The following TRDMT1 variants were observed in gnomAD, a reference collection of about 807,000 sequenced individuals.
The protein encoded by TRDMT1 is tRNA (cytosine(38)-C(5))-methyltransferase.
A neutral mutation model predicts 51.2 loss-of-function variants in TRDMT1; 49 were observed. That is an observed-to-expected ratio of 0.96 (90% confidence interval 0.76 to 1.21). The LOEUF (loss-of-function observed/expected upper bound fraction) is 1.21, where lower values mean the gene tolerates loss of function less well. Ranked by LOEUF, TRDMT1 falls within the 50% of genes most tolerant of loss-of-function variation. The pLI, the probability that TRDMT1 is intolerant of heterozygous loss-of-function variation, is 0.00. For synonymous variants in TRDMT1, 187 were observed against 164.6 expected, an observed-to-expected ratio of 1.14 and a Z score of -1.04; for missense variants, 534 against 462.3, an observed-to-expected ratio of 1.16 and a Z score of -1.42.
At chr10:17,192,496 T>A (rs1844824315) in intron 1 of TRDMT1, among the ~76,000 whole-genome samples, 1 of 152,204 alleles carries the variant, frequency 6.6e-6, no homozygotes, top group Non-Finnish European at 1.5e-5. Flanking sequence ...AGCATCTCCC[T>A]CAGCTCCATC....
chr10:17,159,855 A>T (rs1840063459), intron 6 of TRDMT1, among the ~76,000 whole-genome samples: 1 of 152,208 alleles, frequency 6.6e-6, no homozygotes, highest in Non-Finnish European at 1.5e-5. Context: ...ATGATCAATT[A>T]CTTAAATTTC....
In TRDMT1 at chr10:17,148,949, T is replaced by C. The variant is rs1042731786; in HGVS notation, c.*91A>G. On this transcript the variant is annotated 3_prime_UTR_variant, in exon 11 of 11. Transcript: ENST00000377799. ...GACAGATTAAAATAATTTAGTTAAA[T>C]TTCACCAGAATTAGTTCAAAACAGA... 5.5e-5 allele frequency: 77 copies of C among 1,406,876 alleles called. No individual in the cohort carries two copies. The highest frequency in any genetic ancestry group is 7.0e-5 in the Non-Finnish European group (75 of 1,074,014). The allele number at this position is 1,406,876 out of a possible 1,614,324, so 87.1% of individuals were successfully genotyped here.
chr10:17,149,224 C>A, intron 10 of TRDMT1, 84 bp from the exon 11 acceptor site: 1 of 1,049,926 alleles, frequency 9.5e-7, no homozygotes. Context: ...AGTAAGGGCA[C>A]AGCGGTCATT....
At chr10:17,157,358 G>C (rs1839666220) in intron 8 of TRDMT1, 83 bp downstream of exon 8, 36 of 1,301,892 alleles carry the variant, frequency 2.8e-5, no homozygotes, top group Non-Finnish European at 3.8e-5. Context: ...AATGCTCCTT[G>C]TTTTTAGAAG....
chr10:17,177,482 G>A (rs1842756727), intron 1 of TRDMT1, among the ~76,000 whole-genome samples: 1 of 152,098 alleles, frequency 6.6e-6, no homozygotes. Context: ...GATTACAGGT[G>A]TGGGCCACCA....
In TRDMT1 at chr10:17,149,075, C is replaced by T. The variant is rs771655082; in HGVS notation, c.1141G>A (p.Val381Ile). The change falls in exon 11 of 11, where the codon GTA (valine) becomes ATA (isoleucine). Residue 381 changes from valine to isoleucine, a missense_variant. Val to Ile is a conservative substitution (Grantham distance 29). Coordinates refer to ENST00000377799, the MANE Select transcript of TRDMT1 (RefSeq NM_004412.7). ...RLLGNSLNVH[V>I]VAKLIKILYE Reference sequence around the variant, plus strand: ...AAGATTTTGATTAGTTTAGCTACTACATGCACGTTGAGACTATTTCCAAGT... The same window carrying T: ...AAGATTTTGATTAGTTTAGCTACTATATGCACGTTGAGACTATTTCCAAGT... 3.0e-5 allele frequency: 49 copies of T among 1,610,992 alleles called. No homozygotes were observed. The East Asian group carries it at 1.1e-3, about 35-fold the overall frequency.
At chr10:17,153,482 T>C (rs990618397) in intron 10 of TRDMT1, 25 bp downstream of exon 10, 1 of 1,611,430 alleles carries the variant, frequency 6.2e-7, no homozygotes, top group Non-Finnish European at 8.5e-7. Flanking sequence ...ACATGAAAGC[T>C]GAATTCTGCA....
At chr10:17,159,616 T>G (rs1339986349) in intron 6 of TRDMT1, among the ~76,000 whole-genome samples, 1 of 152,178 alleles carries the variant, frequency 6.6e-6, no homozygotes, top group Non-Finnish European at 1.5e-5. Context: ...GATGATACAC[T>G]ATGTTTTACA....
intron 5 of TRDMT1, 84 bp from the exon 6 acceptor site, chr10:17,160,458 T>C: frequency 3.1e-6 from 3 of 972,848 alleles, no homozygotes; most frequent in Non-Finnish European, 4.3e-6. Context: ...TGGGTTTCTT[T>C]TGTTTGTTTT....
chr10:17,178,674 TC>T (rs1441263359), intron 1 of TRDMT1, among the ~76,000 whole-genome samples: 2 of 122,332 alleles, frequency 1.6e-5, no homozygotes, highest in African/African-American at 4.0e-5. Flanking sequence ...AGACTCTGTC[TC>T]GGAAAAAAAA....
At chr10:17,158,021 A>T (rs966825924) in intron 7 of TRDMT1, among the ~76,000 whole-genome samples, 1 of 152,182 alleles carries the variant, frequency 6.6e-6, no homozygotes, top group African/African-American at 2.4e-5. Context: ...TACAGTATTT[A>T]TTAATAAAAA....
chr10:17,144,232 G>T lies in TRDMT1; in HGVS notation c.*4808C>A. On this transcript the variant is annotated 3_prime_UTR_variant, in exon 11 of 11. Coordinates refer to ENST00000377799, the MANE Select transcript of TRDMT1 (RefSeq NM_004412.7). The stretch of plus-strand genomic sequence containing the variant: ...CTCATCTGATTATAGAGCTAATTTA[G>T]CTAAACAAACATGTTCTCTATGTAC... 1.0e-6 allele frequency: 1 copy of T among 985,598 alleles called. No individual in the cohort carries two copies. 61.1% of individuals were successfully genotyped at this position (985,598 alleles called of 1,614,324 possible).
rs549584678 is a variant in TRDMT1, at chr10:17,148,653, G to C, written c.*387C>G. On this transcript the variant is annotated 3_prime_UTR_variant, in exon 11 of 11. Coordinates refer to ENST00000377799, the MANE Select transcript of TRDMT1 (RefSeq NM_004412.7). ...AATTAGAATCATTATTTTAAAATTAGAAATAAAAAACTTCTTTAATTAACA... is the reference window on the plus strand; with the variant it reads ...AATTAGAATCATTATTTTAAAATTACAAATAAAAAACTTCTTTAATTAACA... The C allele has an allele frequency of 4.1e-5, 40 of 966,656 alleles. 1 individual carries two copies. In the African/African-American group the frequency reaches 6.9e-4, roughly 17 times the overall value. The allele number at this position is 966,656 out of a possible 1,614,324, so 59.9% of individuals were successfully genotyped here.
At position 17,153,638 on chromosome 10, in the gene TRDMT1, T is replaced by C; in HGVS notation, c.946-2A>G. On this transcript the variant is annotated splice_acceptor_variant, in intron 9 of 10. Coordinates refer to ENST00000377799, the MANE Select transcript of TRDMT1 (RefSeq NM_004412.7). LOFTEE classifies it high-confidence loss of function. Reference sequence around the variant, plus strand: ...AAGGGATTTGTAGATATTCTCAACCTGTAAGAAAATACCCAAGATAACTAA... The same window carrying C: ...AAGGGATTTGTAGATATTCTCAACCCGTAAGAAAATACCCAAGATAACTAA... The C allele has an allele frequency of 6.4e-7, 1 of 1,566,310 alleles. No homozygotes were observed.
At chr10:17,183,511 G>A (rs531735074) in intron 1 of TRDMT1, among the ~76,000 whole-genome samples, 1 of 152,224 alleles carries the variant, frequency 6.6e-6, no homozygotes, top group African/African-American at 2.4e-5. Context: ...TCCACCTCCT[G>A]GGTTCAAGTG....
intron 6 of TRDMT1, 112 bp downstream of exon 6, chr10:17,160,193 A>T: frequency 1.7e-6 from 1 of 605,324 alleles, no homozygotes; most frequent in Non-Finnish European, 2.6e-6. Flanking sequence ...TTTTCAGTTT[A>T]CCTATAATAT....
Position 17,143,349 on chromosome 10 carries a change from A to G in TRDMT1, c.*5691T>C. 1 of 985,462 alleles carries G rather than the reference A, an allele frequency of 1.0e-6. No individual in the cohort carries two copies. The highest frequency in any genetic ancestry group is 1.7e-5 in the African/African-American group (1 of 57,372). 61.0% of individuals were successfully genotyped at this position (985,462 alleles called of 1,614,324 possible). ...AAGTTTACATTCTCTAAAACATGAA[A>G]CATTTTCCATTTTTAAAACTCAGAT... On this transcript the variant is annotated 3_prime_UTR_variant, in exon 11 of 11. Transcript: ENST00000377799.
rs1341390976 is a variant in TRDMT1 at position 17,169,343 on chromosome 10, T to C, written c.175-426A>G. The C allele has an allele frequency of 9.2e-6, 11 of 1,198,184 alleles. No individual in the cohort carries two copies. In the South Asian group the frequency reaches 1.3e-4, roughly 14 times the overall value. The allele number at this position is 1,198,184 out of a possible 1,614,324, so 74.2% of individuals were successfully genotyped here. The stretch of plus-strand genomic sequence containing the variant: ...AATGTTCTTTATTTAGCAAATGTGA[T>C]ATGCAGACCAGTCACCATCCCTTTC... On this transcript the variant is annotated intron_variant, in intron 2 of 10. Transcript: ENST00000377799.
intron 1 of TRDMT1, among the ~76,000 whole-genome samples, chr10:17,181,874 TG>T (rs940333948): frequency 1.6e-4 from 24 of 152,344 alleles, no homozygotes; most frequent in African/African-American, 5.8e-4. Context: ...TACCAGCATC[TG>T]GCCCCTCCTT....
Sources: allele counts gnomAD v4.1 joint callset (sites outside exome capture counted in the v4.1 genomes callset), GRCh38; gene constraint gnomAD v4.1.1; transcripts MANE v1.5; gene names NCBI Gene and HGNC (gene_info 2026-07-23, HGNC 2026-07-21).